The following THUMPD3 variants were observed in gnomAD, a reference collection of about 807,000 sequenced individuals.
THUMPD3 encodes the protein THUMP domain 3 tRNA guanosine methyltransferase.
In THUMPD3, 44 loss-of-function variants were observed where a neutral mutation model predicts 54.5. The ratio of observed to expected loss-of-function variants is 0.81; its 90% CI spans 0.63 to 1.04. THUMPD3 has a LOEUF of 1.04. THUMPD3 is among the 50% of genes least tolerant of loss of function. The probability of loss-of-function intolerance (pLI) is 0.00; values close to 1 mark genes in which losing one functional copy is unlikely to be tolerated. For synonymous variants in THUMPD3, 196 were observed against 201.4 expected (o/e 0.97, Z 0.23); for missense variants, 604 against 601.3 (o/e 1.00, Z -0.05).
intron 3 of THUMPD3, among the ~76,000 whole-genome samples, chr3:9,369,348 G>C (rs1228816950): frequency 6.8e-6 from 1 of 147,278 alleles, no homozygotes; most frequent in Non-Finnish European, 1.5e-5. Flanking sequence ...GAAATACTCT[G>C]AGGGTGGAAC....
At chr3:9,381,628 T>A (rs900935442) in intron 7 of THUMPD3, among the ~76,000 whole-genome samples, 9 of 148,008 alleles carry the variant, frequency 6.1e-5, no homozygotes, top group African/African-American at 2.3e-4. Context: ...GGGTTTTTTT[T>A]AATGAGCCTA....
intron 3 of THUMPD3, among the ~76,000 whole-genome samples, chr3:9,369,573 A>G (rs1482667131): frequency 1.3e-5 from 2 of 152,138 alleles, no homozygotes; most frequent in African/African-American, 2.4e-5. Flanking sequence ...TTGGACTTTG[A>G]GATTAGGAAT....
At chr3:9,367,644 G>A (rs1002166064) in intron 3 of THUMPD3, among the ~76,000 whole-genome samples, 5 of 152,188 alleles carry the variant, frequency 3.3e-5, no homozygotes, top group Admixed American at 3.3e-4. Context: ...AAACAACTGT[G>A]ATACGCTACC....
intron 4 of THUMPD3, 115 bp downstream of exon 4, chr3:9,371,651 A>G: frequency 1.1e-6 from 1 of 899,752 alleles, no homozygotes; most frequent in South Asian, 1.6e-5. Context: ...GGTGTGGTTA[A>G]GAAGAGCATA....
Position 9,384,652 on chromosome 3 carries a change from C to A in THUMPD3, c.1488C>A (p.Asp496Glu). ...CTTTTGTTCATCCTTCAGAACAAGACGGAGAAAGAGGAACTCTTTGGCAAT... is the reference window on the plus strand; with the variant it reads ...CTTTTGTTCATCCTTCAGAACAAGAAGGAGAAAGAGGAACTCTTTGGCAAT... ...PQAFVHPSEQ[D>E]GERGTLWQCK... is the part of the protein sequence containing the mutation. Residue 496 changes from aspartate to glutamate, a missense_variant, in exon 10 of 10, where the codon GAC becomes GAA. Physicochemically the swap from Asp to Glu is conservative, Grantham distance 45 (BLOSUM62 2). Coordinates refer to ENST00000452837, the MANE Select transcript of THUMPD3 (RefSeq NM_001114092.2). 3.1e-6 allele frequency: 5 copies of A among 1,613,950 alleles called. No homozygotes were observed. Among genetic ancestry groups the A allele is most frequent in the Non-Finnish European group, 4.2e-6 (5 of 1,180,020 alleles).
chr3:9,372,760 A>C (rs2032158149), intron 4 of THUMPD3, among the ~76,000 whole-genome samples: 1 of 152,044 alleles, frequency 6.6e-6, no homozygotes, highest in East Asian at 1.9e-4. Flanking sequence ...TATCTGGGTG[A>C]TTGACATGTG....
chr3:9,376,543 T>C (rs1439475876), intron 5 of THUMPD3, among the ~76,000 whole-genome samples: 2 of 152,040 alleles, frequency 1.3e-5, no homozygotes, highest in African/African-American at 4.8e-5. Context: ...CTCAAGAGGG[T>C]TGCCAAGGAT....
chr3:9,365,338 T>C lies in THUMPD3; in HGVS notation c.252+18T>C, dbSNP rs2648536. 0.61 allele frequency: 989,631 copies of C among 1,611,810 alleles called. 305,830 individuals are homozygous for C. The highest frequency in any genetic ancestry group is 0.78 in the South Asian group (71,301 of 90,944). On this transcript the variant is annotated intron_variant, in intron 2 of 9. Transcript: ENST00000452837. ...TGGCACAGGTTTGAATGGAGCAATA[T>C]TTAAAATAGTTTTCTAAGTTGATCA...
rs1333464241 is a variant in THUMPD3 at position 9,365,047 on chromosome 3, G to A, written c.-22G>A. ...ACTGCTTTTAAAGAGACAGTGTTAG[G>A]GATCTTGGAAGCACAGCCAACATGT... On this transcript the variant is annotated 5_prime_UTR_variant, in exon 2 of 10. Transcript: ENST00000452837. 1 of 1,609,898 alleles carries A rather than the reference G, an allele frequency of 6.2e-7. No individual in the cohort carries two copies. The highest frequency in any genetic ancestry group is 8.5e-7 in the Non-Finnish European group (1 of 1,177,312).
chr3:9,384,492 A>T, intron 9 of THUMPD3, 32 bp from the exon 10 acceptor site: 1 of 1,612,636 alleles, frequency 6.2e-7, no homozygotes, highest in Non-Finnish European at 8.5e-7. Context: ...TAGATTGTCA[A>T]CCTAATTGTT....
chr3:9,374,763 AAG>A, intron 5 of THUMPD3, 117 bp downstream of exon 5: 1 of 1,183,600 alleles, frequency 8.4e-7, no homozygotes, highest in African/African-American at 1.5e-5. Context: ...AGAGTGGATA[AAG>A]AATAGAATGG....
At chr3:9,377,115 C>T (rs2125324899) in intron 5 of THUMPD3, among the ~76,000 whole-genome samples, 1 of 152,186 alleles carries the variant, frequency 6.6e-6, no homozygotes, top group South Asian at 2.1e-4. Context: ...TATATTGATG[C>T]ATGTTTGACT....
Position 9,383,310 on chromosome 3 carries a change from G to A in THUMPD3, c.1235+1G>A, listed in dbSNP as rs372786694. On this transcript the variant is annotated splice_donor_variant, in intron 8 of 9. Coordinates refer to ENST00000452837, the MANE Select transcript of THUMPD3 (RefSeq NM_001114092.2). LOFTEE classifies it high-confidence loss of function. ...TAACAGATTTGCCATTTGGAAAAAG[G>A]TGAGAAATACTAGTACCTGCTTGTC... 3.1e-5 allele frequency: 49 copies of A among 1,599,080 alleles called. No individual in the cohort carries two copies. The highest frequency in any genetic ancestry group is 4.0e-5 in the Non-Finnish European group (47 of 1,166,552).
At chr3:9,375,248 A>G (rs1329593457) in intron 5 of THUMPD3, among the ~76,000 whole-genome samples, 2 of 152,206 alleles carry the variant, frequency 1.3e-5, no homozygotes, top group Non-Finnish European at 2.9e-5. Flanking sequence ...GTGTTGGGAG[A>G]TAAGAGTAAA....
At chr3:9,384,135 A>C (rs2033144756) in intron 8 of THUMPD3, 77 bp from the exon 9 acceptor site, 7 of 1,512,146 alleles carry the variant, frequency 4.6e-6, no homozygotes, top group Admixed American at 2.0e-5. Flanking sequence ...AGGATGCATG[A>C]AACTGTTTTT....
chr3:9,368,360 ATTTTTT>A (rs764732133), intron 3 of THUMPD3, among the ~76,000 whole-genome samples: 4 of 116,946 alleles, frequency 3.4e-5, no homozygotes, highest in African/African-American at 9.8e-5. Flanking sequence ...ACCCGCGCAT[ATTTTTT>A]TTTTTTTTTT....
At chr3:9,376,994 A>AT (rs560565062) in intron 5 of THUMPD3, among the ~76,000 whole-genome samples, 92 of 151,340 alleles carry the variant, frequency 6.1e-4, no homozygotes, top group South Asian at 2.9e-3. Flanking sequence ...AAAGTAAAGC[A>AT]TTTTTTTTTC....
rs1338321192 is a variant in THUMPD3, at chr3:9,365,236, C to CA, written c.169dup (p.Arg57LysfsTer36). ...TTGAGCAAACAGCTGCAGATGAAGT[C>CA]AGAGAGAAACTTGGGTCATCATGCA... is the stretch of plus-strand genomic sequence containing the variant. On this transcript the variant is annotated frameshift_variant, in exon 2 of 10. Coordinates refer to ENST00000452837, the MANE Select transcript of THUMPD3 (RefSeq NM_001114092.2). LOFTEE classifies it high-confidence loss of function. 6.2e-7 allele frequency: 1 copy of CA among 1,614,184 alleles called. No individual in the cohort carries two copies. Among genetic ancestry groups the CA allele is most frequent in the South Asian group, 1.1e-5 (1 of 91,080 alleles).
At chr3:9,363,400 G>C (rs2031067024) in intron 1 of THUMPD3, 1 of 152,222 alleles carries the variant, frequency 6.6e-6, no homozygotes, top group African/African-American at 2.4e-5. Flanking sequence ...TCCTTTAGCT[G>C]ACCTCAGCTG....
Sources: allele counts gnomAD v4.1 joint callset (sites outside exome capture counted in the v4.1 genomes callset), GRCh38; gene constraint gnomAD v4.1.1; transcripts MANE v1.5; gene names NCBI Gene and HGNC (gene_info 2026-07-23, HGNC 2026-07-21).